CASK: variants seen among roughly 807,000 people sequenced by gnomAD.
The protein encoded by CASK is calcium/calmodulin dependent serine protein kinase.
CASK carries 4 observed loss-of-function variants against 82.9 expected under a neutral mutation model. That is an observed-to-expected ratio of 0.05 (90% CI 0.02 to 0.11). The LOEUF (loss-of-function observed/expected upper bound fraction) is 0.11, where lower values mean the gene tolerates loss of function less well. Ranked by LOEUF, CASK falls within the 10% of genes least tolerant of loss-of-function variation. CASK has a pLI of 1.00. For synonymous variants in CASK, 259 were observed against 253.5 expected (o/e 1.02, Z -0.20); for missense variants, 358 against 720.9 (o/e 0.50, Z 5.76).
intron 11 of CASK, among the ~76,000 whole-genome samples, chrX:41,618,143 T>G (rs1318763738): frequency 2.7e-5 from 3 of 112,645 alleles, no homozygotes; most frequent in Non-Finnish European, 3.7e-5. Flanking sequence ...TGAGAAAGAC[T>G]TAACCACAGA....
At chrX:41,783,548 C>CAAAA (rs1181405339) in intron 3 of CASK, among the ~76,000 whole-genome samples, 7 of 51,049 alleles carry the variant, frequency 1.4e-4, no homozygotes, top group African/African-American at 4.9e-4. Context: ...GACTCTGTCT[C>CAAAA]AAAAAAAAAA....
At position 41,543,393 on chromosome X, in the gene CASK, T is replaced by C. The variant is rs149361380; in HGVS notation, c.2040-587A>G. 2.3e-3 allele frequency among the ~76,000 whole-genome samples: 253 copies of C among 111,722 alleles called. 1 individual carries two copies. The highest frequency in any genetic ancestry group is 7.6e-3 in the African/African-American group (233 of 30,805). On this transcript the variant is annotated intron_variant, in intron 21 of 26. Coordinates refer to ENST00000378163, the MANE Select transcript of CASK (RefSeq NM_001367721.1). The stretch of plus-strand genomic sequence containing the variant: ...ACTTTTGGAGCCTTTTGGATGGCTA[T>C]TGTAAAGGTTTAGAACAAAAAATGT...
intron 1 of CASK, among the ~76,000 whole-genome samples, chrX:41,870,066 T>C (rs2071678401): frequency 9.1e-6 from 1 of 109,420 alleles, no homozygotes; most frequent in African/African-American, 3.3e-5. Flanking sequence ...TTAGAGAAAA[T>C]CTATGAGGAA....
chrX:41,791,657 A>T (rs751566288), intron 2 of CASK, among the ~76,000 whole-genome samples: 25 of 107,556 alleles, frequency 2.3e-4, no homozygotes, highest in Non-Finnish European at 4.6e-4. Flanking sequence ...TGGGAGGCGG[A>T]GGTTGCAGTG....
chrX:41,695,669 A>C, intron 5 of CASK: 1 of 1,204,261 alleles, frequency 8.3e-7, no homozygotes, highest in Non-Finnish European at 1.1e-6. Context: ...CGACAACTTC[A>C]GTCAGCAGCT....
At chrX:41,812,674 C>T (rs1277262705) in intron 2 of CASK, among the ~76,000 whole-genome samples, 4 of 111,689 alleles carry the variant, frequency 3.6e-5, no homozygotes, top group African/African-American at 1.3e-4. Flanking sequence ...CCTGTGAAAA[C>T]TGGCACAAGA....
chrX:41,897,147 G>C (rs775327518), intron 1 of CASK, among the ~76,000 whole-genome samples: 2 of 111,370 alleles, frequency 1.8e-5, no homozygotes, highest in South Asian at 7.5e-4. Flanking sequence ...ATATTATCCC[G>C]ACTATAAGTG....
intron 1 of CASK, among the ~76,000 whole-genome samples, chrX:41,862,221 A>G (rs1321910311): frequency 9.1e-6 from 1 of 110,278 alleles, no homozygotes; most frequent in Non-Finnish European, 1.9e-5. Flanking sequence ...AATGGCCTAC[A>G]GCCAAGTCAA....
intron 6 of CASK, among the ~76,000 whole-genome samples, chrX:41,670,791 C>A (rs1184416749): frequency 9.0e-6 from 1 of 111,067 alleles, no homozygotes; most frequent in Non-Finnish European, 1.9e-5. Flanking sequence ...TGACCTATGG[C>A]TCATTTTTCT....
intron 5 of CASK, among the ~76,000 whole-genome samples, chrX:41,716,612 A>G (rs1240363348): frequency 5.3e-5 from 6 of 112,161 alleles, no homozygotes; most frequent in African/African-American, 1.9e-4. Flanking sequence ...TCCTAGGACC[A>G]GGGCTGCAAC....
Position 41,542,417 on chromosome X carries a change from G to C in CASK, c.2155+274C>G, listed in dbSNP as rs183729892. On this transcript the variant is annotated intron_variant, in intron 22 of 26. Coordinates refer to ENST00000378163, the MANE Select transcript of CASK (RefSeq NM_001367721.1). ...AACTCTCAAGCTTTCATTTCTCAGG[G>C]GAGGACTTAACGTGTTGGATTCTTT... Among the ~76,000 whole-genome samples, 198 of 112,981 alleles carry C rather than the reference G, an allele frequency of 1.8e-3. 1 individual carries two copies. The highest frequency in any genetic ancestry group is 6.1e-3 in the African/African-American group (190 of 31,217).
At chrX:41,921,932 T>G (rs1428560487) in intron 1 of CASK, among the ~76,000 whole-genome samples, 1 of 106,553 alleles carries the variant, frequency 9.4e-6, no homozygotes, top group African/African-American at 3.4e-5. Context: ...CGATCCTTAT[T>G]AAGCAAAAAT....
chrX:41,726,243 T>C (rs2068258317), intron 5 of CASK, among the ~76,000 whole-genome samples: 1 of 112,748 alleles, frequency 8.9e-6, no homozygotes, highest in African/African-American at 3.2e-5. Flanking sequence ...AGCCACCACA[T>C]CTGGCTGTAA....
chrX:41,520,340 T>C lies in CASK; in HGVS notation c.*80A>G, dbSNP rs1602202483. The C allele has an allele frequency of 2.6e-6, 2 of 777,634 alleles. No homozygotes were observed. The highest frequency in any genetic ancestry group is 3.4e-5 in the East Asian group (1 of 29,388). The allele number at this position is 777,634 out of a possible 1,213,427, so 64.1% of individuals were successfully genotyped here. A position where few individuals can be genotyped will look rare whatever the true frequency, so the allele number is the denominator to read the frequency against. ...TAGGTAGTCTCTAGGGACCATGACC[T>C]GCTGACACAAGGCCGATAACAAAGA... On this transcript the variant is annotated 3_prime_UTR_variant, in exon 27 of 27. Transcript: ENST00000378163.
chrX:41,843,321 G>A (rs943313435), intron 2 of CASK, among the ~76,000 whole-genome samples: 14 of 111,411 alleles, frequency 1.3e-4, no homozygotes, highest in African/African-American at 3.6e-4. Flanking sequence ...CTTTTAAAAG[G>A]TTAAAGAAAT....
intron 1 of CASK, 66 bp downstream of exon 1, chrX:41,922,864 C>A (rs2072810832): frequency 9.7e-7 from 1 of 1,032,453 alleles, no homozygotes; most frequent in Admixed American, 2.2e-5. Flanking sequence ...CGAGCGGGTG[C>A]GGGAAGACCG....
chrX:41,747,491 G>C (rs2068708144), intron 3 of CASK, among the ~76,000 whole-genome samples: 1 of 111,282 alleles, frequency 9.0e-6, no homozygotes, highest in African/African-American at 3.3e-5. Flanking sequence ...CCAGGCTGGA[G>C]TGCAGTGGTG....
intron 1 of CASK, among the ~76,000 whole-genome samples, chrX:41,922,465 G>A (rs2072800611): frequency 8.9e-6 from 1 of 111,868 alleles, no homozygotes; most frequent in Admixed American, 9.4e-5. Flanking sequence ...ATCCGAGCAT[G>A]GGGTGTACAC....
At chrX:41,604,371 G>A (rs767859024) in intron 12 of CASK, among the ~76,000 whole-genome samples, 3 of 101,218 alleles carry the variant, frequency 3.0e-5, no homozygotes, top group Non-Finnish European at 6.0e-5. Context: ...TTCTAAGAAG[G>A]CCATGTAAAT....
Sources: allele counts gnomAD v4.1 joint callset (sites outside exome capture counted in the v4.1 genomes callset), GRCh38; gene constraint gnomAD v4.1.1; transcripts MANE v1.5; gene names NCBI Gene and HGNC (gene_info 2026-07-23, HGNC 2026-07-21).